Variants in ZDHHC24 observed in about 807,000 individuals in gnomAD.
ZDHHC24 encodes the protein probable palmitoyltransferase ZDHHC24.
A neutral mutation model predicts 23.2 loss-of-function variants in ZDHHC24; 17 were observed. The observed-to-expected ratio is 0.73, with a 90% confidence interval of 0.50 to 1.10. The LOEUF is 1.10. ZDHHC24 is among the 50% of genes least tolerant of loss of function. ZDHHC24 has a pLI of 0.00. For missense variants in ZDHHC24, 366 were observed against 393.0 expected (o/e 0.93, Z 0.58); for synonymous variants, 186 against 194.5 (o/e 0.96, Z 0.36).
At chr11:66,530,064 C>A in intron 2 of ZDHHC24, 1 of 1,454,618 alleles carries the variant, frequency 6.9e-7, no homozygotes. Flanking sequence ...CCAACTCAGC[C>A]CGTGCTCCCC....
downstream of ZDHHC24, chr11:66,531,979 C>T: frequency 1.9e-6 from 3 of 1,604,742 alleles, no homozygotes; most frequent in Non-Finnish European, 1.7e-6. Flanking sequence ...GGCCAAAGTG[C>T]ACCCCTGCTG....
intron 2 of ZDHHC24, chr11:66,542,445 A>T (rs1046299570): frequency 6.5e-6 from 1 of 153,140 alleles, no homozygotes; most frequent in African/African-American, 2.4e-5. Flanking sequence ...GTGGAAAGGT[A>T]CAGACGGGCG....
chr11:66,545,284 C>G lies in ZDHHC24; in HGVS notation c.281+439G>C, dbSNP rs1213780278. ...AAACTTCTGACCTTAAGTGATCCGC[C>G]GGCCTCGGCCTCCCAAAGTGCTGGG... On this transcript the variant is annotated intron_variant, in intron 1 of 2. Coordinates refer to ENST00000310442, the MANE Select transcript of ZDHHC24 (RefSeq NM_207340.3). The surrounding 1 kb of genome is among the most constrained non-coding windows in gnomAD (Gnocchi z 4.5). 6.6e-6 allele frequency among the ~76,000 whole-genome samples: 1 copy of G among 152,166 alleles called. No individual in the cohort carries two copies. The highest frequency in any genetic ancestry group is 2.4e-5 in the African/African-American group (1 of 41,428).
At chr11:66,535,430 G>A (rs1476693492), downstream of ZDHHC24, among the ~76,000 whole-genome samples, 3 of 137,236 alleles carry the variant, frequency 2.2e-5, no homozygotes, top group South Asian at 2.3e-4. Flanking sequence ...TGTCTCAAAC[G>A]CCAGGCCTCA....
At position 66,539,614 on chromosome 11, in the gene ZDHHC24, C is replaced by G. The variant is rs1857085885; in HGVS notation, c.770G>C (p.Trp257Ser). The change falls in exon 3 of 3, where the codon TGG becomes TCG. Residue 257 changes from tryptophan to serine, a missense_variant. Transcript: ENST00000310442. ...TGGGGAGGCCAGGAAGGGCCAGAGCCAGACGAGGGCCCAGCGGGGCCCCAG... is the reference window on the plus strand; with the variant it reads ...TGGGGAGGCCAGGAAGGGCCAGAGCGAGACGAGGGCCCAGCGGGGCCCCAG... The part of the protein sequence containing the change: ...AALGPRWALV[W>S]LWPFLASPLP... The G allele has an allele frequency of 3.7e-6, 6 of 1,613,210 alleles. No homozygotes were observed. The highest frequency in any genetic ancestry group is 5.1e-6 in the Non-Finnish European group (6 of 1,179,726).
chr11:66,528,028 C>T lies in ZDHHC24; in HGVS notation c.737-1022G>A, dbSNP rs187120187. Among the ~76,000 whole-genome samples, 857 of 152,192 alleles carry T rather than the reference C, an allele frequency of 5.6e-3. 27 individuals carry two copies. The highest frequency in any genetic ancestry group is 3.2e-3 in the Non-Finnish European group (218 of 67,990). On this transcript the variant is annotated intron_variant, in intron 3 of 4. Transcript: ENST00000526986. Reference sequence around the variant, plus strand: ...GGCAGATCACCTGAGGTCAGGAGTTCGTGACCAGCCTGGCCAACATGGTGA... The same window carrying T: ...GGCAGATCACCTGAGGTCAGGAGTTTGTGACCAGCCTGGCCAACATGGTGA...
rs1590766937 is a variant in ZDHHC24 at position 66,523,641 on chromosome 11, G to C, written c.*22-2175C>G. On this transcript the variant is annotated intron_variant, in intron 4 of 4. Coordinates refer to the ZDHHC24 transcript ENST00000526986. Reference sequence around the variant, plus strand: ...TCCCTAGCCCCCACTTGGCAAGAGAGTCCTCTGGCTTCCCCACCCCAGAAA... The same window carrying C: ...TCCCTAGCCCCCACTTGGCAAGAGACTCCTCTGGCTTCCCCACCCCAGAAA... 1 of 1,611,968 alleles carries C rather than the reference G, an allele frequency of 6.2e-7. No homozygotes were observed. Among genetic ancestry groups the C allele is most frequent in the Admixed American group, 1.7e-5 (1 of 59,998 alleles).
downstream of ZDHHC24, among the ~76,000 whole-genome samples, chr11:66,534,757 G>A (rs144478223): frequency 2.6e-5 from 4 of 151,670 alleles, no homozygotes; most frequent in African/African-American, 7.3e-5. Context: ...GTGCAGTGGC[G>A]CGGTCTCGGC....
chr11:66,523,706 C>T lies in ZDHHC24; in HGVS notation c.*22-2240G>A, dbSNP rs781177816. 5 of 1,610,444 alleles carry T rather than the reference C, an allele frequency of 3.1e-6. No individual in the cohort carries two copies. In the South Asian group the frequency reaches 4.4e-5, roughly 14 times the overall value. ...GTAAGCCCTGAGCCCTCCACAGACGCTGGCTGTTCCCTGCCAGGGGAAGAA... is the reference window on the plus strand; with the variant it reads ...GTAAGCCCTGAGCCCTCCACAGACGTTGGCTGTTCCCTGCCAGGGGAAGAA... On this transcript the variant is annotated intron_variant, in intron 4 of 4. Coordinates refer to the ZDHHC24 transcript ENST00000526986.
At chr11:66,529,097 C>T (rs2134826158) in intron 3 of ZDHHC24, 1 of 981,738 alleles carries the variant, frequency 1.0e-6, no homozygotes, top group Non-Finnish European at 1.2e-6. Flanking sequence ...ATGTGAAACT[C>T]TTGAATGGCA....
chr11:66,543,824 C>A lies in ZDHHC24; in HGVS notation c.439G>T (p.Ala147Ser). 3 of 1,613,636 alleles carry A rather than the reference C, an allele frequency of 1.9e-6. No individual in the cohort carries two copies. Reference protein sequence around the residue: ...RPFLCLLLHAAGVLLHVSVLL... With the variant: ...RPFLCLLLHASGVLLHVSVLL... ...ACAGAGACGTGGAGCAGGACGCCGG[C>A]GGCATGAAGCAGCAGGCACAGGAAG... Residue 147 changes from alanine to serine, a missense_variant, in exon 2 of 3, where the codon GCC becomes TCC. Coordinates refer to ENST00000310442, the MANE Select transcript of ZDHHC24 (RefSeq NM_207340.3).
chr11:66,526,660 A>G (rs1246559128), intron 4 of ZDHHC24: 2 of 1,614,232 alleles, frequency 1.2e-6, no homozygotes, highest in Non-Finnish European at 1.7e-6. Context: ...TGGTGGCCTG[A>G]TCATCAAGAT....
chr11:66,524,727 C>G (rs1331880273), intron 4 of ZDHHC24, among the ~76,000 whole-genome samples: 1 of 152,168 alleles, frequency 6.6e-6, no homozygotes, highest in African/African-American at 2.4e-5. Context: ...TTTAGTAGAT[C>G]ACAACCAGCA....
At chr11:66,523,188 C>T (rs1287419241) in intron 4 of ZDHHC24, 1 of 593,134 alleles carries the variant, frequency 1.7e-6, no homozygotes, top group Non-Finnish European at 3.2e-6. Flanking sequence ...ATACAAGCCA[C>T]CATAGTGAAG....
intron 2 of ZDHHC24, among the ~76,000 whole-genome samples, chr11:66,542,244 A>T (rs1282734637): frequency 6.6e-6 from 1 of 152,044 alleles, no homozygotes; most frequent in Non-Finnish European, 1.5e-5. Flanking sequence ...GGGCCTGCTG[A>T]GGTCAGCAGC....
Position 66,539,458 on chromosome 11 carries a change from C to G in ZDHHC24, c.*71G>C. On this transcript the variant is annotated 3_prime_UTR_variant, in exon 3 of 3. Coordinates refer to ENST00000310442, the MANE Select transcript of ZDHHC24 (RefSeq NM_207340.3). ...AGATGTTAAGGTCCAACCCGACTTC[C>G]TTACTGAGTCTAGGTGTGGGGGCCC... 1 of 1,455,952 alleles carries G rather than the reference C, an allele frequency of 6.9e-7. No individual in the cohort carries two copies. Among genetic ancestry groups the G allele is most frequent in the Non-Finnish European group, 9.0e-7 (1 of 1,105,824 alleles). 90.2% of individuals were successfully genotyped at this position (1,455,952 alleles called of 1,614,324 possible).
rs1251235726 is a variant in ZDHHC24 at position 66,538,869 on chromosome 11, A to G, written c.*660T>C. 1 of 152,274 alleles carries G rather than the reference A, an allele frequency of 6.6e-6. No individual in the cohort carries two copies. The highest frequency in any genetic ancestry group is 1.5e-5 in the Non-Finnish European group (1 of 68,100). The allele number at this position is 152,274 out of a possible 1,614,324, so 9.4% of individuals were successfully genotyped here. A position where few individuals can be genotyped will look rare whatever the true frequency, so the allele number is the denominator to read the frequency against. On this transcript the variant is annotated 3_prime_UTR_variant, in exon 3 of 3. Coordinates refer to ENST00000310442, the MANE Select transcript of ZDHHC24 (RefSeq NM_207340.3). ...TCCTACTCATTTCCTCCAGCTGTGCAAGGGTAAAGGCAAAAGCACAAAGAC... is the reference window on the plus strand; with the variant it reads ...TCCTACTCATTTCCTCCAGCTGTGCGAGGGTAAAGGCAAAAGCACAAAGAC...
chr11:66,530,168 G>A (rs938114282), intron 2 of ZDHHC24, among the ~76,000 whole-genome samples: 5 of 152,134 alleles, frequency 3.3e-5, no homozygotes, highest in African/African-American at 1.2e-4. Flanking sequence ...CTCTCCCCTC[G>A]GCTGGCCATG....
rs1382053273 is a variant in ZDHHC24, at chr11:66,536,988, G to A, written c.*2541C>T. ...CAGCCCAAAGTGCCAGGTACACCAA[G>A]TTCCTCCTGTCATTAAAAAATAGCA... On this transcript the variant is annotated 3_prime_UTR_variant, in exon 3 of 3. Transcript: ENST00000310442. 1 of 151,956 alleles carries A rather than the reference G, an allele frequency of 6.6e-6. No individual in the cohort carries two copies. Among genetic ancestry groups the A allele is most frequent in the Non-Finnish European group, 1.5e-5 (1 of 67,980 alleles). The allele number at this position is 151,956 out of a possible 1,614,324, so 9.4% of individuals were successfully genotyped here.
Sources: allele counts gnomAD v4.1 joint callset (sites outside exome capture counted in the v4.1 genomes callset), GRCh38; gene constraint gnomAD v4.1.1; non-coding constraint Gnocchi (gnomAD v3.1); transcripts MANE v1.5; gene names NCBI Gene and HGNC (gene_info 2026-07-23, HGNC 2026-07-21).